SGMS1: variants seen among roughly 807,000 people sequenced by gnomAD.
SGMS1 encodes sphingomyelin synthase 1, also known as phosphatidylcholine:ceramide cholinephosphotransferase 1.
A neutral mutation model predicts 46.2 loss-of-function variants in SGMS1; 13 were observed. The observed-to-expected ratio is 0.28, with a 90% CI of 0.18 to 0.45. SGMS1 has a LOEUF of 0.45. SGMS1 is among the 20% of genes least tolerant of loss of function. The probability of loss-of-function intolerance (pLI) is 1.00; values close to 1 mark genes in which losing one functional copy is unlikely to be tolerated. For synonymous variants in SGMS1, 203 were observed against 187.8 expected (o/e 1.08, Z -0.66); for missense variants, 324 against 519.9 (o/e 0.62, Z 3.66).
chr10:50,526,741 G>A (rs75151056), intron 2 of SGMS1, among the ~76,000 whole-genome samples: 396 of 152,152 alleles, frequency 2.6e-3, no homozygotes, highest in African/African-American at 9.1e-3. Flanking sequence ...AGGGTGTTTA[G>A]GTCAATGAGA....
At chr10:50,509,504 G>T (rs779302791) in intron 3 of SGMS1, among the ~76,000 whole-genome samples, 1 of 152,134 alleles carries the variant, frequency 6.6e-6, no homozygotes. Flanking sequence ...GATTAAAACG[G>T]ATCTGAAAAG....
At chr10:50,450,422 T>C (rs1837091813) in intron 5 of SGMS1, among the ~76,000 whole-genome samples, 1 of 152,190 alleles carries the variant, frequency 6.6e-6, no homozygotes, top group South Asian at 2.1e-4. Context: ...GGAAAGGGAA[T>C]AGAATGTGAG....
intron 3 of SGMS1, among the ~76,000 whole-genome samples, chr10:50,510,726 T>A (rs1395122797): frequency 6.6e-6 from 1 of 152,144 alleles, no homozygotes; most frequent in Non-Finnish European, 1.5e-5. Flanking sequence ...ACGTAATAAC[T>A]ATACAATTAT....
rs548764413 is a variant in SGMS1, at chr10:50,471,763, T to C, written c.-497-4831A>G. Among the ~76,000 whole-genome samples the C allele has an allele frequency of 3.3e-5, 5 of 152,314 alleles. No individual in the cohort carries two copies. In the East Asian group the frequency reaches 7.7e-4, roughly 23 times the overall value. On this transcript the variant is annotated intron_variant, in intron 3 of 10. Transcript: ENST00000361781. ...TTTCCTAACATCACAGGACTTGTTA[T>C]CAAGGGCCACATCAGTAATGCCCTG... is the stretch of plus-strand genomic sequence containing the variant.
intron 2 of SGMS1, among the ~76,000 whole-genome samples, chr10:50,525,641 T>C (rs570047533): frequency 6.6e-6 from 1 of 152,264 alleles, no homozygotes; most frequent in South Asian, 2.1e-4. Context: ...AAAGTAAAAA[T>C]CACTGAAACA....
At chr10:50,540,646 T>A (rs534371220) in intron 2 of SGMS1, among the ~76,000 whole-genome samples, 1 of 152,112 alleles carries the variant, frequency 6.6e-6, no homozygotes, top group African/African-American at 2.4e-5. Flanking sequence ...GTGAATGCTA[T>A]CTCAGAGAAA....
intron 7 of SGMS1, among the ~76,000 whole-genome samples, chr10:50,339,295 C>T (rs766985952): frequency 1.3e-5 from 2 of 152,220 alleles, no homozygotes; most frequent in African/African-American, 2.4e-5. Context: ...GACCCTTGAC[C>T]GTTCCTCAGG....
chr10:50,436,580 C>T (rs1191471678), intron 5 of SGMS1, among the ~76,000 whole-genome samples: 2 of 152,168 alleles, frequency 1.3e-5, no homozygotes, highest in Admixed American at 6.5e-5. Context: ...GTGATTGTTA[C>T]AAGCCCAGCA....
chr10:50,392,149 A>G (rs1848779246), intron 6 of SGMS1, among the ~76,000 whole-genome samples: 4 of 151,696 alleles, frequency 2.6e-5, no homozygotes, highest in Admixed American at 2.6e-4. Flanking sequence ...ATTTACCTAT[A>G]TAACAAACCT....
intron 2 of SGMS1, among the ~76,000 whole-genome samples, chr10:50,545,716 C>T (rs1025804610): frequency 2.0e-5 from 3 of 152,088 alleles, no homozygotes; most frequent in Non-Finnish European, 2.9e-5. Flanking sequence ...GGATTACAGA[C>T]GTGAGCCATG....
intron 5 of SGMS1, among the ~76,000 whole-genome samples, chr10:50,454,185 G>A (rs1034575658): frequency 6.6e-6 from 1 of 152,078 alleles, no homozygotes; most frequent in African/African-American, 2.4e-5. Flanking sequence ...GCAGGGATAT[G>A]GTTAGAAATA....
chr10:50,621,741 CTTA>C (rs917773994), intron 1 of SGMS1, among the ~76,000 whole-genome samples: 8 of 152,268 alleles, frequency 5.3e-5, no homozygotes, highest in African/African-American at 1.7e-4. Context: ...AGAAATGTAT[CTTA>C]TTATTTTACT....
chr10:50,319,746 A>G (rs546620797), intron 8 of SGMS1, among the ~76,000 whole-genome samples: 104 of 152,222 alleles, frequency 6.8e-4, no homozygotes, highest in Non-Finnish European at 1.3e-3. Flanking sequence ...CATCACATTC[A>G]GAAGCACCTG....
intron 1 of SGMS1, among the ~76,000 whole-genome samples, chr10:50,598,683 A>C (rs1442417685): frequency 6.6e-6 from 1 of 152,124 alleles, no homozygotes; most frequent in African/African-American, 2.4e-5. Context: ...AGAAGTACTG[A>C]GGGTCAAGGA....
rs200598590 is a variant in SGMS1, at chr10:50,562,345, T to TGC, written c.-589+27807_-589+27808insGC. Among the ~76,000 whole-genome samples, 432 of 62,594 alleles carry TGC rather than the reference T, an allele frequency of 6.9e-3. 1 individual carries two copies. Among genetic ancestry groups the TGC allele is most frequent in the African/African-American group, 0.018 (405 of 22,132 alleles). 41.1% of individuals were successfully genotyped at this position (62,594 alleles called of 152,430 possible). ...CTGACAAACACTCTCTGAGTGTGTG[T>TGC]GTGTGTGTGTGCGCGCGCGCACACA... On this transcript the variant is annotated intron_variant, in intron 2 of 10. Transcript: ENST00000361781.
intron 3 of SGMS1, among the ~76,000 whole-genome samples, chr10:50,473,612 A>G (rs1837396812): frequency 6.6e-6 from 1 of 152,254 alleles, no homozygotes; most frequent in African/African-American, 2.4e-5. Flanking sequence ...CCAATATAGA[A>G]ACAGACTAAA....
chr10:50,557,388 G>T (rs1838197271), intron 2 of SGMS1, among the ~76,000 whole-genome samples: 1 of 152,042 alleles, frequency 6.6e-6, no homozygotes, highest in Admixed American at 6.6e-5. Flanking sequence ...AAGAATTCTT[G>T]AGTGATATGC....
intron 6 of SGMS1, among the ~76,000 whole-genome samples, chr10:50,410,986 T>C (rs1849088603): frequency 6.6e-6 from 1 of 152,244 alleles, no homozygotes; most frequent in South Asian, 2.1e-4. Context: ...ACATTCATTA[T>C]AGGTTAGTTT....
chr10:50,468,372 C>A (rs1357444729), intron 3 of SGMS1, among the ~76,000 whole-genome samples: 1 of 152,156 alleles, frequency 6.6e-6, no homozygotes, highest in Admixed American at 6.5e-5. Flanking sequence ...GCCCATAAAT[C>A]ATTTAAAGGA....
Sources: allele counts gnomAD v4.1 joint callset (sites outside exome capture counted in the v4.1 genomes callset), GRCh38; gene constraint gnomAD v4.1.1; transcripts MANE v1.5; gene names NCBI Gene and HGNC (gene_info 2026-07-23, HGNC 2026-07-21).